FNDC3B: variants seen among roughly 807,000 people sequenced by gnomAD.
The protein encoded by FNDC3B is fibronectin type III domain-containing protein 3B.
In FNDC3B, 12 loss-of-function variants were observed where a neutral mutation model predicts 151.5. The ratio of observed to expected loss-of-function variants is 0.08; its 90% confidence interval spans 0.05 to 0.13. The LOEUF (loss-of-function observed/expected upper bound fraction) is 0.13. Among genes scored for constraint, FNDC3B ranks in the 10% least tolerant of loss-of-function variants. The pLI, the probability that FNDC3B is intolerant of heterozygous loss-of-function variation, is 1.00. For synonymous variants in FNDC3B, 528 were observed against 549.0 expected (o/e 0.96, Z 0.54); for missense variants, 1,214 against 1,505.3 (o/e 0.81, Z 3.20).
chr3:172,263,583 AGTG>A (rs1728763118), intron 6 of FNDC3B, among the ~76,000 whole-genome samples: 2 of 116,634 alleles, frequency 1.7e-5, no homozygotes, highest in South Asian at 2.9e-4. Context: ...TCAGCTATCA[AGTG>A]TTTTTTTTTT....
chr3:172,383,941 C>T (rs146507670), intron 25 of FNDC3B, among the ~76,000 whole-genome samples: 1,782 of 152,106 alleles, frequency 0.012, 20 homozygotes, highest in Non-Finnish European at 0.017. Flanking sequence ...TTAATAGGAG[C>T]GTTCATTTAT....
intron 6 of FNDC3B, among the ~76,000 whole-genome samples, chr3:172,282,987 T>C (rs1215900613): frequency 6.6e-6 from 1 of 152,228 alleles, no homozygotes. Flanking sequence ...TAAGTTCCTA[T>C]CCACCACTGT....
intron 3 of FNDC3B, among the ~76,000 whole-genome samples, chr3:172,138,137 T>C (rs965423888): frequency 6.6e-6 from 1 of 152,238 alleles, no homozygotes; most frequent in South Asian, 2.1e-4. Flanking sequence ...TTTAGGCCTC[T>C]TTCTTCCAAG....
In FNDC3B at chr3:172,268,572, A is replaced by AT. The variant is rs765521514; in HGVS notation, c.790+17032dup. Reference sequence around the variant, plus strand: ...GTACATGGGAATAGAGAAATCAGGGATAAAAAATACAAGTCATGTAGATCA... The same window carrying AT: ...GTACATGGGAATAGAGAAATCAGGGATTAAAAAATACAAGTCATGTAGATCA... On this transcript the variant is annotated intron_variant, in intron 6 of 25. Coordinates refer to ENST00000415807, the MANE Select transcript of FNDC3B (RefSeq NM_022763.4). Among the ~76,000 whole-genome samples the AT allele has an allele frequency of 4.6e-4, 70 of 152,230 alleles. 1 individual carries two copies. The highest frequency in any genetic ancestry group is 9.1e-4 in the Non-Finnish European group (62 of 68,044).
intron 22 of FNDC3B, among the ~76,000 whole-genome samples, chr3:172,355,858 T>C (rs954932953): frequency 1.3e-5 from 2 of 152,214 alleles, no homozygotes; most frequent in Non-Finnish European, 2.9e-5. Flanking sequence ...TGATGTGCAG[T>C]GCCCAGACCT....
At chr3:172,331,463 T>G (rs1221837454) in intron 13 of FNDC3B, among the ~76,000 whole-genome samples, 3 of 152,194 alleles carry the variant, frequency 2.0e-5, no homozygotes, top group African/African-American at 7.2e-5. Flanking sequence ...GTTCATGCCA[T>G]TCTTCTGCCT....
chr3:172,376,519 G>A (rs1391793076), intron 23 of FNDC3B, among the ~76,000 whole-genome samples: 4 of 152,116 alleles, frequency 2.6e-5, no homozygotes, highest in Admixed American at 2.6e-4. Flanking sequence ...ATAATTAAGG[G>A]CAATTACTCC....
intron 3 of FNDC3B, among the ~76,000 whole-genome samples, chr3:172,199,676 A>C (rs1414150232): frequency 6.6e-6 from 1 of 152,220 alleles, no homozygotes; most frequent in Non-Finnish European, 1.5e-5. Context: ...TAGGCCCCCA[A>C]AACATCACCA....
At chr3:172,363,099 A>T (rs1246176752) in intron 23 of FNDC3B, among the ~76,000 whole-genome samples, 3 of 151,416 alleles carry the variant, frequency 2.0e-5, no homozygotes, top group African/African-American at 7.2e-5. Context: ...ATCAAGCCAG[A>T]TAATGGAGAG....
At chr3:172,157,792 A>G (rs1429211662) in intron 3 of FNDC3B, among the ~76,000 whole-genome samples, 2 of 152,234 alleles carry the variant, frequency 1.3e-5, no homozygotes, top group Non-Finnish European at 2.9e-5. Flanking sequence ...GACATTTGAT[A>G]GTTCTGGCTT....
intron 3 of FNDC3B, among the ~76,000 whole-genome samples, chr3:172,155,264 G>C (rs1309717516): frequency 2.6e-5 from 4 of 152,282 alleles, no homozygotes; most frequent in Admixed American, 2.6e-4. Flanking sequence ...CTCTCGTGGA[G>C]GATTCTTCTT....
In FNDC3B at chr3:172,143,006, T is replaced by C. The variant is rs182580167; in HGVS notation, c.187+9460T>C. 5.3e-5 allele frequency among the ~76,000 whole-genome samples: 8 copies of C among 152,202 alleles called. No homozygotes were observed. In the East Asian group the frequency reaches 1.5e-3, roughly 29 times the overall value. ...GACACTAATCCCTCATGAATGGGGA[T>C]TAGTGTCCCTCATGATCCAGTCACC... On this transcript the variant is annotated intron_variant, in intron 3 of 25. Coordinates refer to ENST00000415807, the MANE Select transcript of FNDC3B (RefSeq NM_022763.4).
intron 10 of FNDC3B, among the ~76,000 whole-genome samples, chr3:172,308,380 A>G (rs1309505211): frequency 6.6e-6 from 1 of 152,250 alleles, no homozygotes; most frequent in Non-Finnish European, 1.5e-5. Context: ...CTCTACATCA[A>G]TATTTTAAAA....
intron 25 of FNDC3B, among the ~76,000 whole-genome samples, chr3:172,385,563 CTTT>C (rs11293866): frequency 2.1e-5 from 3 of 141,022 alleles, no homozygotes; most frequent in Non-Finnish European, 4.7e-5. Context: ...GACCTTTTTT[CTTT>C]TTTTTTTTTT....
chr3:172,144,222 G>A (rs193150412), intron 3 of FNDC3B, among the ~76,000 whole-genome samples: 1 of 152,228 alleles, frequency 6.6e-6, no homozygotes, highest in African/African-American at 2.4e-5. Flanking sequence ...CAGATCTCCT[G>A]TGCACTGAAT....
At chr3:172,174,400 T>C (rs750009182) in intron 3 of FNDC3B, among the ~76,000 whole-genome samples, 1 of 152,200 alleles carries the variant, frequency 6.6e-6, no homozygotes, top group Non-Finnish European at 1.5e-5. Flanking sequence ...CACACTATTA[T>C]TTTTAGCCTG....
Position 172,046,146 on chromosome 3 carries a change from G to A in FNDC3B, c.-29+6375G>A, listed in dbSNP as rs569280664. On this transcript the variant is annotated intron_variant, in intron 1 of 25. Transcript: ENST00000415807. ...AATCACATAAGATCGATAGACAGTC[G>A]TGATCAGCCATCTACATACAGATGA... is the stretch of plus-strand genomic sequence containing the variant. Among the ~76,000 whole-genome samples the A allele has an allele frequency of 1.3e-3, 197 of 152,232 alleles. 6 individuals are homozygous for A. The South Asian group carries it at 0.04, about 31-fold the overall frequency.
intron 3 of FNDC3B, among the ~76,000 whole-genome samples, chr3:172,193,183 TCTCCCTCC>T (rs547223878): frequency 2.7e-5 from 1 of 37,734 alleles, no homozygotes; most frequent in Non-Finnish European, 4.6e-5. Flanking sequence ...CCGCCCTTCC[TCTCCCTCC>T]CTCCCTCCCT....
chr3:172,098,899 T>G (rs2108520429), intron 1 of FNDC3B, among the ~76,000 whole-genome samples: 1 of 152,340 alleles, frequency 6.6e-6, no homozygotes. Flanking sequence ...GCTTCCTGTG[T>G]GAGTACCTAT....
Sources: gnomAD v4.1 joint callset for allele counts (sites outside exome capture counted in the v4.1 genomes callset) on GRCh38, gnomAD v4.1.1 for gene constraint, MANE v1.5 for transcripts, NCBI Gene and HGNC (gene_info 2026-07-23, HGNC 2026-07-21) for gene names.